Variants in CHD5 observed in about 807,000 individuals in gnomAD.
CHD5 encodes ATP-dependent chromatin remodeler CHD5.
CHD5 carries 69 observed loss-of-function variants against 230.3 expected under a neutral mutation model. That is an observed-to-expected ratio of 0.30 (90% confidence interval 0.25 to 0.37). The LOEUF (loss-of-function observed/expected upper bound fraction) is 0.37, where lower values mean the gene tolerates loss of function less well. Ranked by LOEUF, CHD5 falls within the 10% of genes least tolerant of loss-of-function variation. The pLI, the probability that CHD5 is intolerant of heterozygous loss-of-function variation, is 1.00. For synonymous variants in CHD5, 1,064 were observed against 1,065.9 expected (o/e 1.00, Z 0.03); for missense variants, 1,827 against 2,622.8 (o/e 0.70, Z 6.63).
chr1:6,160,921 C>T (rs187752343), intron 2 of CHD5, among the ~76,000 whole-genome samples: 5 of 152,302 alleles, frequency 3.3e-5, no homozygotes, highest in African/African-American at 1.2e-4. Flanking sequence ...CTGGCGAAGC[C>T]CTCCACAGCC....
chr1:6,144,787 C>T (rs1666883976), intron 11 of CHD5, among the ~76,000 whole-genome samples: 1 of 152,186 alleles, frequency 6.6e-6, no homozygotes, highest in South Asian at 2.1e-4. Context: ...GCTTGACTAC[C>T]CCACACAGCA....
chr1:6,161,289 CCAAA>C (rs1667174067), intron 2 of CHD5, among the ~76,000 whole-genome samples: 1 of 152,132 alleles, frequency 6.6e-6, no homozygotes, highest in Non-Finnish European at 1.5e-5. Flanking sequence ...GAGAGTGGCT[CCAAA>C]CAGTCACATC....
In CHD5 at chr1:6,142,149, C is replaced by T; in HGVS notation, c.2415G>A (p.Gly805=). The change falls in exon 15 of 42, where the codon GGG becomes GGA. Residue 805 remains glycine (G), a synonymous_variant. Transcript: ENST00000262450. The surrounding 1 kb of genome is among the most constrained non-coding windows in gnomAD (Gnocchi z 5.2). ...TCACCTTCATACGGAATACCTTCTTCCCACTCCGAATGGCGTTGTCCTCAA... is the reference window on the plus strand; with the variant it reads ...TCACCTTCATACGGAATACCTTCTTTCCACTCCGAATGGCGTTGTCCTCAA... The part of the protein sequence containing the change: ...FSFEDNAIRS[G]KKVFRMKKEV... The T allele has an allele frequency of 6.2e-7, 1 of 1,614,130 alleles. No homozygotes were observed. Among genetic ancestry groups the T allele is most frequent in the Non-Finnish European group, 8.5e-7 (1 of 1,179,974 alleles).
rs1226945590 is a variant in CHD5, at chr1:6,106,782, G to A, written c.5579-3C>T. On this transcript the variant is annotated splice_polypyrimidine_tract_variant and splice_region_variant and intron_variant, in intron 38 of 41. Coordinates refer to ENST00000262450, the MANE Select transcript of CHD5 (RefSeq NM_015557.3). ...CAGCTCCTCCAGCTGGTTCAGGACTGTGGTGGGAGGCGGAGGGATGGTAGG... is the reference window on the plus strand; with the variant it reads ...CAGCTCCTCCAGCTGGTTCAGGACTATGGTGGGAGGCGGAGGGATGGTAGG... The A allele has an allele frequency of 1.2e-6, 2 of 1,609,144 alleles. No homozygotes were observed. Among genetic ancestry groups the A allele is most frequent in the Non-Finnish European group, 1.7e-6 (2 of 1,178,662 alleles).
At position 6,128,410 on chromosome 1, in the gene CHD5, C is replaced by A; in HGVS notation, c.3730+89G>T. 1 of 1,228,978 alleles carries A rather than the reference C, an allele frequency of 8.1e-7. No individual in the cohort carries two copies. The allele number at this position is 1,228,978 out of a possible 1,614,324, so 76.1% of individuals were successfully genotyped here. On this transcript the variant is annotated intron_variant, in intron 24 of 41. Coordinates refer to ENST00000262450, the MANE Select transcript of CHD5 (RefSeq NM_015557.3). This position sits in a 1 kb window ranked among gnomAD's most constrained non-coding sequence, Gnocchi z 7.8. The stretch of plus-strand genomic sequence containing the variant: ...GCCCACCTGGCAGTCCCAGGACGCC[C>A]AAGTGAGGGCAGGTCAGGGAACCCC...
Position 6,142,135 on chromosome 1 carries a change from C to T in CHD5, c.2429G>A (p.Arg810His), listed in dbSNP as rs147522329. The T allele has an allele frequency of 5.0e-6, 8 of 1,613,708 alleles. No homozygotes were observed. The African/African-American group carries it at 5.3e-5, about 11-fold the overall frequency. ...AGGATAGCGAGCCCTCACCTTCATA[C>T]GGAATACCTTCTTCCCACTCCGAAT... ...NAIRSGKKVF[R>H]MKKEVQIKFH... The change falls in exon 15 of 42, where the codon CGT (arginine) becomes CAT (histidine). Residue 810 changes from arginine (R) to histidine (H), a missense_variant. By Grantham distance (29) the Arg-to-His change is conservative. Transcript: ENST00000262450. This position sits in a 1 kb window ranked among gnomAD's most constrained non-coding sequence, Gnocchi z 5.2.
In CHD5 at chr1:6,105,222, G is replaced by A. The variant is rs1338785770; in HGVS notation, c.*252C>T. 10 of 350,428 alleles carry A rather than the reference G, an allele frequency of 2.9e-5. No individual in the cohort carries two copies. Among genetic ancestry groups the A allele is most frequent in the Middle Eastern group, 9.9e-4 (2 of 2,018 alleles). 21.7% of individuals were successfully genotyped at this position (350,428 alleles called of 1,614,324 possible). On this transcript the variant is annotated 3_prime_UTR_variant, in exon 42 of 42. Transcript: ENST00000262450. This position sits in a 1 kb window ranked among gnomAD's most constrained non-coding sequence, Gnocchi z 4.8. ...AAGGTGGCGAGGGGGCACGTCCGGC[G>A]TGGTTGTGGGGGCAACGCTGTGTGG...
chr1:6,159,266 A>G, intron 3 of CHD5, 70 bp downstream of exon 3: 1 of 1,536,962 alleles, frequency 6.5e-7, no homozygotes, highest in South Asian at 1.2e-5. Context: ...CACAGAACAT[A>G]CAGGCAAGAG....
Position 6,124,673 on chromosome 1 carries a change from G to GA in CHD5, c.4395-13_4395-12insT. ...GGGACACATAGGCTCTGGGGTGGGG[G>GA]GGGGGGACTGGGGCTCAGGGAGTGG... On this transcript the variant is annotated splice_polypyrimidine_tract_variant and intron_variant, in intron 29 of 41. Coordinates refer to ENST00000262450, the MANE Select transcript of CHD5 (RefSeq NM_015557.3). The GA allele has an allele frequency of 9.2e-7, 1 of 1,089,402 alleles. No individual in the cohort carries two copies. 67.5% of individuals were successfully genotyped at this position (1,089,402 alleles called of 1,614,324 possible). A position where few individuals can be genotyped will look rare whatever the true frequency, so the allele number is the denominator to read the frequency against.
At chr1:6,140,819 C>A (rs990927439) in intron 15 of CHD5, among the ~76,000 whole-genome samples, 1 of 151,666 alleles carries the variant, frequency 6.6e-6, no homozygotes, top group Admixed American at 6.6e-5. Flanking sequence ...GAGCAACATA[C>A]GGAGAATCCA....
intron 36 of CHD5, among the ~76,000 whole-genome samples, chr1:6,111,272 G>A (rs1399719043): frequency 3.3e-5 from 5 of 150,244 alleles, no homozygotes; most frequent in Admixed American, 6.6e-5. Flanking sequence ...GGTGGCTGAC[G>A]CCTGTAATCT....
Position 6,154,996 on chromosome 1 carries a change from C to A in CHD5, c.507-98G>T. 4.7e-6 allele frequency: 5 copies of A among 1,071,648 alleles called. No individual in the cohort carries two copies. The East Asian group carries it at 1.2e-4, about 27-fold the overall frequency. The allele number at this position is 1,071,648 out of a possible 1,614,324, so 66.4% of individuals were successfully genotyped here. ...CCCACCCCTCTGCCACATGTGCGAT[C>A]TATGGCAGCAGCCCCAGGTTCCTGA... On this transcript the variant is annotated intron_variant, in intron 4 of 41. Coordinates refer to ENST00000262450, the MANE Select transcript of CHD5 (RefSeq NM_015557.3). This position sits in a 1 kb window ranked among gnomAD's most constrained non-coding sequence, Gnocchi z 7.0.
intron 33 of CHD5, among the ~76,000 whole-genome samples, chr1:6,118,403 A>G (rs78633354): frequency 6.6e-6 from 1 of 150,644 alleles, no homozygotes; most frequent in African/African-American, 2.4e-5. Context: ...AAAAAAAGGA[A>G]TGAAGTACTA....
At chr1:6,117,516 C>T (rs1666396193) in intron 33 of CHD5, among the ~76,000 whole-genome samples, 1 of 152,060 alleles carries the variant, frequency 6.6e-6, no homozygotes, top group South Asian at 2.1e-4. Flanking sequence ...CTTCAAAGCC[C>T]TCCTGGACAA....
At position 6,112,188 on chromosome 1, in the gene CHD5, T is replaced by G. The variant is rs759140917; in HGVS notation, c.5092A>C (p.Lys1698Gln). 2 of 1,614,158 alleles carry G rather than the reference T, an allele frequency of 1.2e-6. No individual in the cohort carries two copies. The highest frequency in any genetic ancestry group is 2.2e-5 in the South Asian group (2 of 91,078). ...EDDEGKKEDK[K>Q]GKFKFMFNIA... ...TTGAACATGAACTTGAATTTCCCCTTCTTGTCCTCCTTCTTCCCCTCGTCA... is the reference window on the plus strand; with the variant it reads ...TTGAACATGAACTTGAATTTCCCCTGCTTGTCCTCCTTCTTCCCCTCGTCA... The change falls in exon 35 of 42, where the codon AAG (lysine) becomes CAG (glutamine). Residue 1698 changes from lysine to glutamine, a missense_variant. Coordinates refer to ENST00000262450, the MANE Select transcript of CHD5 (RefSeq NM_015557.3).
At chr1:6,138,460 G>A (rs749920227) in intron 15 of CHD5, among the ~76,000 whole-genome samples, 2 of 151,978 alleles carry the variant, frequency 1.3e-5, no homozygotes, top group African/African-American at 2.4e-5. Context: ...GTTTTCCTGC[G>A]AGCCCTGCAT....
chr1:6,136,416 A>C (rs1571152798), intron 17 of CHD5, 101 bp downstream of exon 17: 4 of 1,360,224 alleles, frequency 2.9e-6, no homozygotes, highest in Non-Finnish European at 4.1e-6. Flanking sequence ...TGAGGAAGCA[A>C]CGGCCGAGCA....
intron 1 of CHD5, among the ~76,000 whole-genome samples, chr1:6,175,777 G>C (rs1032565478): frequency 2.6e-5 from 4 of 151,660 alleles, no homozygotes; most frequent in Non-Finnish European, 5.9e-5. Flanking sequence ...GGTTGGTTTT[G>C]TGGGTCGACG....
At position 6,159,514 on chromosome 1, in the gene CHD5, C is replaced by T. The variant is rs1482810915; in HGVS notation, c.209G>A (p.Gly70Glu). The change falls in exon 3 of 42, where the codon GGG (glycine) becomes GAG (glutamate). Residue 70 changes from glycine (G) to glutamate (E), a missense_variant and splice_region_variant. Gly to Glu is a moderately conservative substitution (Grantham distance 98). Coordinates refer to ENST00000262450, the MANE Select transcript of CHD5 (RefSeq NM_015557.3). ...KCKGKRKKKE[G>E]SNDELSENEE... ...ATTCTCTGATAGCTCATCATTGCTC[C>T]CCTGGAAAAGAAGGGGGACAGTGAG... 1 of 1,596,062 alleles carries T rather than the reference C, an allele frequency of 6.3e-7. No homozygotes were observed. The highest frequency in any genetic ancestry group is 1.1e-5 in the South Asian group (1 of 88,444).
Sources: gnomAD v4.1 joint callset for allele counts (sites outside exome capture counted in the v4.1 genomes callset) on GRCh38, gnomAD v4.1.1 for gene constraint, Gnocchi (gnomAD v3.1) non-coding constraint, MANE v1.5 for transcripts, NCBI Gene and HGNC (gene_info 2026-07-23, HGNC 2026-07-21) for gene names.